Variants in OTOGL observed in about 807,000 individuals in gnomAD.
OTOGL encodes otogelin-like protein.
A neutral mutation model predicts 318.5 loss-of-function variants in OTOGL; 285 were observed. That is an observed-to-expected ratio of 0.89 (90% confidence interval 0.81 to 0.99). The LOEUF (loss-of-function observed/expected upper bound fraction) is 0.99. OTOGL is among the 50% of genes least tolerant of loss of function. The pLI is 0.00. For missense variants in OTOGL, 2,899 were observed against 2,845.6 expected (o/e 1.02, Z -0.43); for synonymous variants, 987 against 936.5 (o/e 1.05, Z -0.99).
intron 11 of OTOGL, among the ~76,000 whole-genome samples, chr12:80,248,789 C>G (rs1007228451): frequency 6.6e-6 from 1 of 151,008 alleles, no homozygotes; most frequent in Non-Finnish European, 1.5e-5. Flanking sequence ...CTCCCCATCA[C>G]TTTCAGGTAC....
At chr12:80,187,000 T>C (rs12313012) in intron 1 of OTOGL, among the ~76,000 whole-genome samples, 90 of 152,290 alleles carry the variant, frequency 5.9e-4, no homozygotes, top group African/African-American at 2.1e-3. Flanking sequence ...TGTTTGTTTA[T>C]GGAGATAGAA....
At chr12:80,346,673 C>T (rs1442885889) in intron 44 of OTOGL, among the ~76,000 whole-genome samples, 4 of 152,140 alleles carry the variant, frequency 2.6e-5, no homozygotes, top group Admixed American at 6.6e-5. Flanking sequence ...GCCCACACCC[C>T]GCCCCTGTTG....
In OTOGL at chr12:80,229,384, A is replaced by T; in HGVS notation, c.611+6A>T. On this transcript the variant is annotated splice_donor_region_variant and intron_variant, in intron 8 of 58. Transcript: ENST00000547103. ...ATAAAAAAGAATGGAATCAGGTAGG[A>T]TATGGGAAACAGTGAAATGTCAGTA... 2 of 1,593,822 alleles carry T rather than the reference A, an allele frequency of 1.3e-6. No individual in the cohort carries two copies. The highest frequency in any genetic ancestry group is 1.3e-5 in the African/African-American group (1 of 74,902).
chr12:80,342,287 A>G lies in OTOGL; in HGVS notation c.5265+125A>G. Reference sequence around the variant, plus strand: ...ACAAAACCCCCAACCTTCTGTCAGTATGCTTTGGAATTCAGAATCACTTAT... The same window carrying G: ...ACAAAACCCCCAACCTTCTGTCAGTGTGCTTTGGAATTCAGAATCACTTAT... On this transcript the variant is annotated intron_variant, in intron 44 of 58. Transcript: ENST00000547103. 8 of 675,422 alleles carry G rather than the reference A, an allele frequency of 1.2e-5. No individual in the cohort carries two copies. The South Asian group carries it at 1.7e-4, about 15-fold the overall frequency. The allele number at this position is 675,422 out of a possible 1,614,324, so 41.8% of individuals were successfully genotyped here.
chr12:80,238,770 T>G, intron 9 of OTOGL, 81 bp from the exon 10 acceptor site: 2 of 1,308,020 alleles, frequency 1.5e-6, no homozygotes, highest in Non-Finnish European at 2.0e-6. Flanking sequence ...GAAGTTTGTG[T>G]TGAAGAACCA....
At chr12:80,345,714 T>C (rs1889155710) in intron 44 of OTOGL, among the ~76,000 whole-genome samples, 1 of 152,188 alleles carries the variant, frequency 6.6e-6, no homozygotes, top group Non-Finnish European at 1.5e-5. Flanking sequence ...TTAAAAATAC[T>C]ATAAAAAAGT....
chr12:80,148,690 C>T (rs993996269), intron 1 of OTOGL, among the ~76,000 whole-genome samples: 4 of 152,176 alleles, frequency 2.6e-5, no homozygotes, highest in South Asian at 4.1e-4. Flanking sequence ...TTCAGGTACA[C>T]GAATCAGATG....
chr12:80,171,406 T>C (rs1260553939), intron 1 of OTOGL, among the ~76,000 whole-genome samples: 1 of 152,172 alleles, frequency 6.6e-6, no homozygotes, highest in East Asian at 1.9e-4. Context: ...TTTTTTGTTT[T>C]GCACGTGGAA....
intron 26 of OTOGL, among the ~76,000 whole-genome samples, chr12:80,291,964 T>A (rs889203041): frequency 1.3e-5 from 2 of 152,116 alleles, no homozygotes; most frequent in African/African-American, 4.8e-5. Flanking sequence ...CTTTTCTTTT[T>A]TTTCTTTTTC....
chr12:80,260,247 G>GT (rs1177433909), intron 18 of OTOGL, among the ~76,000 whole-genome samples: 1 of 152,010 alleles, frequency 6.6e-6, no homozygotes, highest in Non-Finnish European at 1.5e-5. Context: ...CCTGTACCTT[G>GT]TTTTTAGGTA....
rs189388559 is a variant in OTOGL, at chr12:80,170,334, T to C, written c.-19-39079T>C. Reference sequence around the variant, plus strand: ...TTAATTTGCATGGCTCTAATGACTATTGATGGTGAAAATATTTTTATGTGA... The same window carrying C: ...TTAATTTGCATGGCTCTAATGACTACTGATGGTGAAAATATTTTTATGTGA... On this transcript the variant is annotated intron_variant, in intron 1 of 58. Coordinates refer to ENST00000547103, the MANE Select transcript of OTOGL (RefSeq NM_001378609.3). Among the ~76,000 whole-genome samples, 23 of 152,286 alleles carry C rather than the reference T, an allele frequency of 1.5e-4. No homozygotes were observed. In the East Asian group the frequency reaches 4.0e-3, roughly 27 times the overall value.
At chr12:80,335,935 A>G (rs1410823240) in intron 38 of OTOGL, 28 bp from the exon 39 acceptor site, 1 of 1,495,188 alleles carries the variant, frequency 6.7e-7, no homozygotes, top group Non-Finnish European at 8.9e-7. Flanking sequence ...GAGAATGAAA[A>G]AACCCACTAA....
chr12:80,235,321 C>T (rs1422334623), intron 9 of OTOGL, among the ~76,000 whole-genome samples: 1 of 151,806 alleles, frequency 6.6e-6, no homozygotes, highest in Non-Finnish European at 1.5e-5. Context: ...AAAAATTAGC[C>T]AGGCGTGGTG....
chr12:80,358,993 A>G (rs1015545029), intron 52 of OTOGL, 93 bp downstream of exon 52: 102 of 1,061,928 alleles, frequency 9.6e-5, no homozygotes, highest in Non-Finnish European at 1.2e-4. Flanking sequence ...TCTTAGAGTT[A>G]ATAAAATTAC....
intron 1 of OTOGL, among the ~76,000 whole-genome samples, chr12:80,158,923 G>C (rs989120751): frequency 6.6e-6 from 1 of 152,096 alleles, no homozygotes; most frequent in Non-Finnish European, 1.5e-5. Flanking sequence ...TTCTCAGAGG[G>C]AATGCTTTAA....
Position 80,310,661 on chromosome 12 carries a change from A to G in OTOGL, c.3384A>G (p.Lys1128=). The G allele has an allele frequency of 1.3e-6, 2 of 1,597,440 alleles. No individual in the cohort carries two copies. Among genetic ancestry groups the G allele is most frequent in the Non-Finnish European group, 1.7e-6 (2 of 1,177,950 alleles). The part of the protein sequence containing the change: ...TIKPCEAHQN[K]FPYAKKECSI... ...AACCCTGTGAGGCACATCAAAACAA[A>G]TTTCCTTATGCCAAGAAAGAATGCT... The change falls in exon 30 of 59, where the codon AAA becomes AAG. Residue 1128 remains lysine (K), a synonymous_variant. Transcript: ENST00000547103.
chr12:80,264,243 CA>C (rs147715881), intron 19 of OTOGL, among the ~76,000 whole-genome samples: 5,601 of 152,148 alleles, frequency 0.037, 165 homozygotes, highest in Admixed American at 0.056. Flanking sequence ...ATTGTTTTGT[CA>C]AACTTGGTTA....
intron 1 of OTOGL, among the ~76,000 whole-genome samples, chr12:80,142,619 TC>T (rs1872027244): frequency 6.6e-6 from 1 of 152,156 alleles, no homozygotes. Flanking sequence ...ATAATGTCTG[TC>T]CCTCACTGCT....
At chr12:80,296,682 TA>T in intron 26 of OTOGL, 144 bp from the exon 27 acceptor site, 2 of 564,288 alleles carry the variant, frequency 3.5e-6, no homozygotes, top group Non-Finnish European at 5.2e-6. Flanking sequence ...CATTGTTAGT[TA>T]AAAATGACTT....
Sources: allele counts gnomAD v4.1 joint callset (sites outside exome capture counted in the v4.1 genomes callset), GRCh38; gene constraint gnomAD v4.1.1; transcripts MANE v1.5; gene names NCBI Gene and HGNC (gene_info 2026-07-23, HGNC 2026-07-21).